Variants in FANCD2 observed in about 807,000 individuals in gnomAD.
The protein encoded by FANCD2 is FA complementation group D2.
A neutral mutation model predicts 192.3 loss-of-function variants in FANCD2; 131 were observed. The observed-to-expected ratio is 0.68, with a 90% CI of 0.59 to 0.79. The LOEUF (loss-of-function observed/expected upper bound fraction) is 0.79. Among genes scored for constraint, FANCD2 ranks in the 30% least tolerant of loss-of-function variants. The pLI is 0.00. For missense variants in FANCD2, 1,508 were observed against 1,701.6 expected (o/e 0.89, Z 2.00); for synonymous variants, 524 against 612.5 (o/e 0.86, Z 2.13).
At chr3:10,068,814 C>T (rs1288419450) in intron 26 of FANCD2, among the ~76,000 whole-genome samples, 1 of 152,082 alleles carries the variant, frequency 6.6e-6, no homozygotes, top group African/African-American at 2.4e-5. Context: ...ACCAATGGAA[C>T]AGAAGAGAGC....
intron 43 of FANCD2, among the ~76,000 whole-genome samples, chr3:10,100,532 C>T (rs1251303873): frequency 2.0e-5 from 3 of 152,126 alleles, no homozygotes; most frequent in South Asian, 4.1e-4. Context: ...CAACCATGCC[C>T]GGCTAGTTTT....
chr3:10,041,594 C>T (rs368822243), intron 9 of FANCD2, 29 bp from the exon 10 acceptor site: 45 of 1,489,808 alleles, frequency 3.0e-5, no homozygotes, highest in Non-Finnish European at 4.1e-5. Context: ...AACCATTATA[C>T]AACTTTTTTC....
At chr3:10,089,735 T>C in intron 36 of FANCD2, among the ~76,000 whole-genome samples, 1 of 152,228 alleles carries the variant, frequency 6.6e-6, no homozygotes, top group Non-Finnish European at 1.5e-5. Context: ...CTCAAAGTGC[T>C]GGGATTACAG....
At chr3:10,065,690 T>C (rs185068322) in intron 24 of FANCD2, among the ~76,000 whole-genome samples, 174 bp from the exon 25 acceptor site, 1 of 152,344 alleles carries the variant, frequency 6.6e-6, no homozygotes, top group African/African-American at 2.4e-5. Context: ...TTGCAAAAAC[T>C]TTCTAGTTAT....
At chr3:10,032,282 T>C (rs2086621678) in intron 2 of FANCD2, 1 of 402,244 alleles carries the variant, frequency 2.5e-6, no homozygotes. Flanking sequence ...CTTATTTGTT[T>C]GAATTTATTT....
Position 10,035,318 on chromosome 3 carries a change from G to C in FANCD2, c.438+85G>C, listed in dbSNP as rs2086701563. 9 of 1,203,082 alleles carry C rather than the reference G, an allele frequency of 7.5e-6. No individual in the cohort carries two copies. The Admixed American group carries it at 1.4e-4, about 18-fold the overall frequency. 74.5% of individuals were successfully genotyped at this position (1,203,082 alleles called of 1,614,324 possible). On this transcript the variant is annotated intron_variant, in intron 6 of 43. Transcript: ENST00000675286. ...GTCTAAATAGCGGGAACACAGGATA[G>C]AGTAGGGTTAATTGGAGAATTTGGG...
chr3:10,096,240 T>A, intron 41 of FANCD2, 86 bp from the exon 42 acceptor site: 1 of 1,419,970 alleles, frequency 7.0e-7, no homozygotes, highest in Admixed American at 1.7e-5. Context: ...GCTTGTGTTC[T>A]TATTCAACAT....
intron 32 of FANCD2, among the ~76,000 whole-genome samples, chr3:10,084,388 C>G (rs757745982): frequency 2.8e-4 from 43 of 151,918 alleles, no homozygotes; most frequent in Admixed American, 7.2e-4. Context: ...GACTCCCAGG[C>G]TATAAATCCT....
intron 30 of FANCD2, among the ~76,000 whole-genome samples, chr3:10,079,778 G>A (rs1421341349): frequency 1.3e-5 from 2 of 152,212 alleles, no homozygotes; most frequent in Non-Finnish European, 2.9e-5. Context: ...TGTATACAGT[G>A]TACAAACGTG....
chr3:10,060,248 C>G, intron 18 of FANCD2, 46 bp from the exon 19 acceptor site: 1 of 1,336,088 alleles, frequency 7.5e-7, no homozygotes, highest in Non-Finnish European at 1.1e-6. Flanking sequence ...CCTTCTTTTG[C>G]TGTGCCATTC....
chr3:10,054,438 T>C (rs1003723755), intron 18 of FANCD2, among the ~76,000 whole-genome samples: 1,134 of 56,940 alleles, frequency 0.02, 24 homozygotes, highest in African/African-American at 0.11. Flanking sequence ...TGTATATACA[T>C]GTATATACAT....
intron 43 of FANCD2, among the ~76,000 whole-genome samples, chr3:10,100,418 G>T (rs11926481): frequency 0.23 from 34,943 of 152,066 alleles, 5,141 homozygotes; most frequent in African/African-American, 0.42. Flanking sequence ...CTGTCGCCCA[G>T]GCTAGCATGC....
chr3:10,044,497 G>A (rs918720437), intron 14 of FANCD2, among the ~76,000 whole-genome samples: 15 of 152,002 alleles, frequency 9.9e-5, no homozygotes, highest in East Asian at 3.9e-4. Context: ...GCGAAACCCC[G>A]TCTCTACTAA....
chr3:10,049,726 C>T (rs1455472476), intron 17 of FANCD2, among the ~76,000 whole-genome samples: 1 of 152,140 alleles, frequency 6.6e-6, no homozygotes, highest in East Asian at 1.9e-4. Flanking sequence ...ATGTTAAAGA[C>T]TAAGACACAT....
At chr3:10,035,306 G>A in intron 6 of FANCD2, 73 bp downstream of exon 6, 1 of 1,302,320 alleles carries the variant, frequency 7.7e-7, no homozygotes, top group East Asian at 2.3e-5. Flanking sequence ...TAAATAGCGG[G>A]AACACAGGAT....
intron 40 of FANCD2, 148 bp downstream of exon 40, chr3:10,094,511 G>T: frequency 1.3e-6 from 1 of 765,052 alleles, no homozygotes; most frequent in Non-Finnish European, 2.3e-6. Flanking sequence ...AAATTGGACT[G>T]AATATTCCAA....
In FANCD2 at chr3:10,095,281, A is replaced by AGG; in HGVS notation, c.4038+10_4038+11dup. 6.2e-7 allele frequency: 1 copy of AGG among 1,613,504 alleles called. No homozygotes were observed. Among genetic ancestry groups the AGG allele is most frequent in the Non-Finnish European group, 8.5e-7 (1 of 1,179,488 alleles). ...CCTGTGTGGGCATTCCAAGGTAAGA[A>AGG]GGGGAGCAGGTTCTATCAGCAGCCT... On this transcript the variant is annotated splice_region_variant and intron_variant, in intron 41 of 43. Transcript: ENST00000675286.
chr3:10,030,223 A>G (rs1253614975), intron 2 of FANCD2, among the ~76,000 whole-genome samples: 1 of 151,880 alleles, frequency 6.6e-6, no homozygotes, highest in African/African-American at 2.4e-5. Flanking sequence ...CAGCCGCCCA[A>G]GTAGCTGGGA....
At chr3:10,093,170 C>T in intron 38 of FANCD2, 115 bp from the exon 39 acceptor site, 1 of 765,366 alleles carries the variant, frequency 1.3e-6, no homozygotes, top group East Asian at 2.5e-5. Context: ...GTTGACATTC[C>T]TCCATTTTAG....
Sources: gnomAD v4.1 joint callset for allele counts (sites outside exome capture counted in the v4.1 genomes callset) on GRCh38, gnomAD v4.1.1 for gene constraint, MANE v1.5 for transcripts, NCBI Gene and HGNC (gene_info 2026-07-23, HGNC 2026-07-21) for gene names.